Variants in MRC1 observed in about 807,000 individuals in gnomAD.
The protein encoded by MRC1 is macrophage mannose receptor 1.
A neutral mutation model predicts 102.9 loss-of-function variants in MRC1; 62 were observed. The observed-to-expected ratio is 0.60, with a 90% CI of 0.49 to 0.74. The LOEUF (loss-of-function observed/expected upper bound fraction) is 0.74. MRC1 is among the 30% of genes least tolerant of loss of function. MRC1 has a pLI of 0.00. For synonymous variants in MRC1, 457 were observed against 298.4 expected (o/e 1.53, Z -5.48); for missense variants, 1,237 against 862.8 (o/e 1.43, Z -5.43).
intron 3 of MRC1, among the ~76,000 whole-genome samples, chr10:17,831,058 T>G (rs1838563792): frequency 6.7e-6 from 1 of 149,334 alleles, no homozygotes; most frequent in Admixed American, 6.6e-5. Context: ...CTGGGTAATT[T>G]TTTTTTTTTT....
chr10:17,910,102 T>C, intron 29 of MRC1, 113 bp from the exon 30 acceptor site: 1 of 756,074 alleles, frequency 1.3e-6, no homozygotes, highest in Non-Finnish European at 2.4e-6. Flanking sequence ...GTTTGACAAA[T>C]GTCGCTTGAA....
intron 26 of MRC1, among the ~76,000 whole-genome samples, chr10:17,903,354 A>G (rs1464698805): frequency 1.4e-5 from 2 of 143,618 alleles, no homozygotes; most frequent in Non-Finnish European, 3.1e-5. Flanking sequence ...TTTCTTGTGT[A>G]CCATCATTTT....
At chr10:17,818,453 G>A (rs1369246672) in intron 1 of MRC1, among the ~76,000 whole-genome samples, 2 of 152,150 alleles carry the variant, frequency 1.3e-5, no homozygotes, top group Non-Finnish European at 2.9e-5. Flanking sequence ...ATTTTAAGAT[G>A]GTTATGGATA....
rs1554843149 is a variant in MRC1 at position 17,891,923 on chromosome 10, G to A, written c.3148-2287G>A. ...AAGTATTTCGTAGTCCTATGATGGG[G>A]ACTCTGACTTTTAGGGAATCTGTGC... is the stretch of plus-strand genomic sequence containing the variant. On this transcript the variant is annotated intron_variant, in intron 22 of 29. Coordinates refer to ENST00000569591, the MANE Select transcript of MRC1 (RefSeq NM_002438.4). 3.3e-5 allele frequency among the ~76,000 whole-genome samples: 5 copies of A among 152,288 alleles called. 2 individuals are homozygous for A. Among genetic ancestry groups the A allele is most frequent in the African/African-American group, 1.2e-4 (5 of 41,544 alleles).
intron 1 of MRC1, among the ~76,000 whole-genome samples, chr10:17,818,523 A>G (rs928391546): frequency 1.2e-4 from 18 of 152,216 alleles, no homozygotes; most frequent in Non-Finnish European, 1.9e-4. Context: ...CGATGTTGAC[A>G]CTTGGCTGGG....
intron 8 of MRC1, among the ~76,000 whole-genome samples, chr10:17,853,576 G>GTA (rs1204570901): frequency 3.4e-4 from 46 of 134,744 alleles, no homozygotes; most frequent in Middle Eastern, 3.9e-3. Context: ...ATATGTATGT[G>GTA]TGTGTGTGTG....
chr10:17,878,892 A>T (rs1007151055), intron 18 of MRC1, among the ~76,000 whole-genome samples: 4 of 152,198 alleles, frequency 2.6e-5, no homozygotes, highest in African/African-American at 9.7e-5. Context: ...CCATTTTATC[A>T]TTTCTAAAGT....
chr10:17,852,826 T>G (rs1034286854), intron 7 of MRC1, 141 bp from the exon 8 acceptor site: 20 of 753,712 alleles, frequency 2.7e-5, no homozygotes, highest in African/African-American at 6.8e-5. Context: ...TGAGCACTCA[T>G]GAGGACTATC....
At position 17,911,008 on chromosome 10, in the gene MRC1, A is replaced by G. The variant is rs1384068576; in HGVS notation, c.*543A>G. On this transcript the variant is annotated 3_prime_UTR_variant, in exon 30 of 30. Transcript: ENST00000569591. ...GCAGCTGAGAATCTTGTTTCCCCCA[A>G]GAGAGTTTTACAGGCTGAGTGTTGC... 6.0e-5 allele frequency: 10 copies of G among 165,994 alleles called. No individual in the cohort carries two copies. In the East Asian group the frequency reaches 1.6e-3, roughly 26 times the overall value. The allele number at this position is 165,994 out of a possible 1,614,324, so 10.3% of individuals were successfully genotyped here. A position where few individuals can be genotyped will look rare whatever the true frequency, so the allele number is the denominator to read the frequency against.
chr10:17,856,260 C>A lies in MRC1; in HGVS notation c.1426C>A (p.Arg476=), dbSNP rs782693726. The A allele has an allele frequency of 6.9e-6, 6 of 864,708 alleles. No homozygotes were observed. The highest frequency in any genetic ancestry group is 1.2e-5 in the Non-Finnish European group (6 of 498,596). The allele number at this position is 864,708 out of a possible 1,614,324, so 53.6% of individuals were successfully genotyped here. The change falls in exon 9 of 30, where the codon CGG becomes AGG. Residue 476 remains arginine (R), a synonymous_variant. Transcript: ENST00000569591. ...CCTGCAGGATGGGTACTGGGCAGAT[C>A]GGGGCTGTGAGTGGCCTCTTGGCTA... ...MKGKDGYWAD[R]GCEWPLGYIC...
intron 26 of MRC1, among the ~76,000 whole-genome samples, chr10:17,903,752 T>C (rs1372944718): frequency 6.6e-6 from 1 of 152,122 alleles, no homozygotes; most frequent in Admixed American, 6.6e-5. Flanking sequence ...TATTTCTTAG[T>C]GGTTGCCCTA....
At chr10:17,829,174 T>C (rs2130603951) in intron 3 of MRC1, among the ~76,000 whole-genome samples, 1 of 151,614 alleles carries the variant, frequency 6.6e-6, no homozygotes, top group African/African-American at 2.4e-5. Flanking sequence ...TGAGTAACAA[T>C]AGAATCACGA....
At chr10:17,822,747 T>C (rs1838415014) in intron 1 of MRC1, among the ~76,000 whole-genome samples, 1 of 152,216 alleles carries the variant, frequency 6.6e-6, no homozygotes, top group Non-Finnish European at 1.5e-5. Context: ...TTTTCTGCCT[T>C]GTATGTTCCA....
intron 25 of MRC1, among the ~76,000 whole-genome samples, chr10:17,901,579 C>G (rs1833830080): frequency 6.6e-6 from 1 of 151,992 alleles, no homozygotes; most frequent in South Asian, 2.1e-4. Context: ...ATCCCAGCTA[C>G]TCGGGAGGCT....
chr10:17,900,660 A>G, intron 24 of MRC1, 128 bp from the exon 25 acceptor site: 2 of 737,778 alleles, frequency 2.7e-6, no homozygotes, highest in South Asian at 3.1e-5. Context: ...TGTTCTTTTT[A>G]TTCTCAAATG....
intron 8 of MRC1, among the ~76,000 whole-genome samples, chr10:17,855,343 A>T (rs1388312799): frequency 6.6e-6 from 1 of 151,698 alleles, no homozygotes; most frequent in African/African-American, 2.4e-5. Flanking sequence ...AGGCCGAGGC[A>T]GGCGGATCAT....
At chr10:17,832,789 C>CTG (rs1355577450) in intron 3 of MRC1, among the ~76,000 whole-genome samples, 2 of 151,704 alleles carry the variant, frequency 1.3e-5, no homozygotes, top group Non-Finnish European at 2.9e-5. Flanking sequence ...TGGGGTTTCA[C>CTG]TGTGTTAGCC....
chr10:17,849,546 A>C (rs781821627), intron 6 of MRC1, 33 bp from the exon 7 acceptor site: 8 of 692,892 alleles, frequency 1.2e-5, no homozygotes, highest in African/African-American at 1.1e-4. Flanking sequence ...AAATCTTTTA[A>C]AATTTTTTTC....
intron 22 of MRC1, among the ~76,000 whole-genome samples, chr10:17,893,157 C>T (rs1589194027): frequency 6.6e-6 from 1 of 150,440 alleles, no homozygotes; most frequent in East Asian, 2.0e-4. Context: ...CCCTCCCTCC[C>T]TTTCTTCCTT....
Sources: gnomAD v4.1 joint callset for allele counts (sites outside exome capture counted in the v4.1 genomes callset) on GRCh38, gnomAD v4.1.1 for gene constraint, MANE v1.5 for transcripts, NCBI Gene and HGNC (gene_info 2026-07-23, HGNC 2026-07-21) for gene names.